Variants in PCM1 observed in about 807,000 individuals in gnomAD.
PCM1 encodes the protein pericentriolar material 1.
A neutral mutation model predicts 241.9 loss-of-function variants in PCM1; 157 were observed. The ratio of observed to expected loss-of-function variants is 0.65; its 90% CI spans 0.57 to 0.74. The LOEUF (loss-of-function observed/expected upper bound fraction) is 0.74. Among genes scored for constraint, PCM1 ranks in the 30% least tolerant of loss-of-function variants. The pLI, the probability that PCM1 is intolerant of heterozygous loss-of-function variation, is 0.00. For missense variants in PCM1, 3,478 were observed against 2,360.1 expected (o/e 1.47, Z -9.81); for synonymous variants, 1,085 against 784.9 (o/e 1.38, Z -6.39).
At chr8:17,935,906 C>T (rs895670290) in intron 3 of PCM1, among the ~76,000 whole-genome samples, 200 bp downstream of exon 3, 1 of 151,976 alleles carries the variant, frequency 6.6e-6, no homozygotes, top group Non-Finnish European at 1.5e-5. Context: ...TTTACTGTTA[C>T]ATAAAGATGT....
In PCM1 at chr8:17,985,479, T is replaced by C. The variant is rs1444688173; in HGVS notation, c.4141T>C (p.Leu1381=). The C allele has an allele frequency of 6.4e-7, 1 of 1,562,966 alleles. No homozygotes were observed. The highest frequency in any genetic ancestry group is 1.2e-5 in the South Asian group (1 of 85,066). Residue 1381 remains leucine (L), a synonymous_variant, in exon 25 of 39, where the codon TTG becomes CTG. Coordinates refer to ENST00000325083, the MANE Select transcript of PCM1 (RefSeq NM_006197.4). ...GAGTGATTTTTCCATGTTTGAAGCT[T>C]TGCGAGATACTATTTATTCTGAAGT... ...TGSDFSMFEA[L]RDTIYSEVAT...
intron 32 of PCM1, among the ~76,000 whole-genome samples, 196 bp from the exon 33 acceptor site, chr8:18,011,041 A>C (rs1427216816): frequency 2.0e-5 from 3 of 152,190 alleles, no homozygotes; most frequent in Non-Finnish European, 4.4e-5. Context: ...CTTTCACCTT[A>C]ATGTTTGAAA....
chr8:17,930,208 A>C (rs570357501), intron 2 of PCM1, among the ~76,000 whole-genome samples: 1 of 146,524 alleles, frequency 6.8e-6, no homozygotes, highest in Non-Finnish European at 1.5e-5. Flanking sequence ...GGTTCACACC[A>C]TTCTGCCTCA....
At chr8:17,952,899 A>T (rs1050657866) in intron 8 of PCM1, 71 bp from the exon 9 acceptor site, 12 of 903,728 alleles carry the variant, frequency 1.3e-5, no homozygotes, top group Non-Finnish European at 1.2e-5. Flanking sequence ...ATATTTATGC[A>T]TTTAAAAAAT....
At chr8:17,987,896 T>G (rs1274082703) in intron 26 of PCM1, among the ~76,000 whole-genome samples, 2 of 151,898 alleles carry the variant, frequency 1.3e-5, no homozygotes, top group African/African-American at 4.8e-5. Flanking sequence ...AATAGCCATA[T>G]GGTGTTTTTT....
chr8:18,004,464 C>G (rs2090660291), intron 29 of PCM1, among the ~76,000 whole-genome samples: 1 of 152,116 alleles, frequency 6.6e-6, no homozygotes, highest in Admixed American at 6.6e-5. Context: ...CTAAATTGTT[C>G]CTTCTCACTT....
At chr8:17,965,311 T>C (rs563536091) in intron 18 of PCM1, among the ~76,000 whole-genome samples, 16 of 152,310 alleles carry the variant, frequency 1.1e-4, no homozygotes, top group African/African-American at 3.8e-4. Context: ...ATTGATAAAA[T>C]TGTTGACTGT....
chr8:17,948,979 C>G (rs1396566043), intron 7 of PCM1, among the ~76,000 whole-genome samples: 1 of 152,018 alleles, frequency 6.6e-6, no homozygotes, highest in Non-Finnish European at 1.5e-5. Context: ...TGTGGCTTGC[C>G]TAGATTTATA....
chr8:17,956,871 A>G (rs1007971059), intron 11 of PCM1, 94 bp downstream of exon 11: 5 of 999,904 alleles, frequency 5.0e-6, no homozygotes, highest in African/African-American at 1.6e-5. Flanking sequence ...AGTATTTACT[A>G]TTTGCCTTTT....
chr8:18,017,388 G>C (rs986997995), intron 36 of PCM1, among the ~76,000 whole-genome samples: 2 of 152,230 alleles, frequency 1.3e-5, no homozygotes, highest in African/African-American at 2.4e-5. Flanking sequence ...TGGATGGCAA[G>C]TCACTGATAT....
At position 17,978,396 on chromosome 8, in the gene PCM1, A is replaced by G. The variant is rs866323080; in HGVS notation, c.3944-2195A>G. On this transcript the variant is annotated intron_variant, in intron 23 of 38. Transcript: ENST00000325083. ...TGTCTAGCCAGGAGAGAAGTGAGGGAAACACACAAACACCTATGCAGAGTC... is the reference window on the plus strand; with the variant it reads ...TGTCTAGCCAGGAGAGAAGTGAGGGGAACACACAAACACCTATGCAGAGTC... Among the ~76,000 whole-genome samples the G allele has an allele frequency of 1.6e-4, 25 of 152,138 alleles. 1 individual carries two copies. Among genetic ancestry groups the G allele is most frequent in the Middle Eastern group, 3.2e-3 (1 of 316 alleles).
chr8:18,026,480 C>A (rs1303719152), intron 38 of PCM1, among the ~76,000 whole-genome samples: 1 of 151,364 alleles, frequency 6.6e-6, no homozygotes, highest in African/African-American at 2.4e-5. Context: ...CAGATGGTCT[C>A]GATCTCCTGA....
intron 3 of PCM1, among the ~76,000 whole-genome samples, chr8:17,936,465 A>G (rs890492877): frequency 6.6e-6 from 1 of 152,212 alleles, no homozygotes; most frequent in Non-Finnish European, 1.5e-5. Context: ...GAGTTTAACT[A>G]AGTAAATAAA....
chr8:17,979,492 T>C (rs1008431538), intron 23 of PCM1, among the ~76,000 whole-genome samples: 6 of 152,204 alleles, frequency 3.9e-5, no homozygotes, highest in African/African-American at 1.4e-4. Context: ...TCTGTTGTAA[T>C]ATCCAGTAGC....
intron 27 of PCM1, among the ~76,000 whole-genome samples, 165 bp from the exon 28 acceptor site, chr8:17,991,372 TAAATA>T (rs1450694369): frequency 6.6e-6 from 1 of 152,188 alleles, no homozygotes; most frequent in Non-Finnish European, 1.5e-5. Context: ...TTTTAAGGAT[TAAATA>T]AGTGTGACAA....
chr8:17,957,937 C>T (rs2069430241), intron 13 of PCM1, among the ~76,000 whole-genome samples, 162 bp downstream of exon 13: 1 of 152,138 alleles, frequency 6.6e-6, no homozygotes, highest in Non-Finnish European at 1.5e-5. Context: ...TGTCAGAGGT[C>T]AGCAACCTTT....
intron 23 of PCM1, among the ~76,000 whole-genome samples, chr8:17,974,618 G>C (rs1482974435): frequency 6.6e-6 from 1 of 152,104 alleles, no homozygotes; most frequent in Non-Finnish European, 1.5e-5. Context: ...TTATGGCTAT[G>C]ACCACCTAAC....
At chr8:18,023,576 T>G (rs139527649) in intron 36 of PCM1, among the ~76,000 whole-genome samples, 1 of 152,362 alleles carries the variant, frequency 6.6e-6, no homozygotes, top group African/African-American at 2.4e-5. Flanking sequence ...TTATGTTAAT[T>G]AGATATTGTT....
chr8:17,935,084 G>C (rs1176494332), intron 2 of PCM1, among the ~76,000 whole-genome samples: 1 of 152,140 alleles, frequency 6.6e-6, no homozygotes, highest in Non-Finnish European at 1.5e-5. Context: ...TTATCATCTT[G>C]CTATTGTACC....
Sources: gnomAD v4.1 joint callset for allele counts (sites outside exome capture counted in the v4.1 genomes callset) on GRCh38, gnomAD v4.1.1 for gene constraint, MANE v1.5 for transcripts, NCBI Gene and HGNC (gene_info 2026-07-23, HGNC 2026-07-21) for gene names.